DSP: variants seen among roughly 807,000 people sequenced by gnomAD.
The protein encoded by DSP is desmoplakin, also known as 250/210 kDa paraneoplastic pemphigus antigen.
A neutral mutation model predicts 290.6 loss-of-function variants in DSP; 114 were observed. That is an observed-to-expected ratio of 0.39 (90% CI 0.34 to 0.46). The LOEUF (loss-of-function observed/expected upper bound fraction) is 0.46, where lower values mean the gene tolerates loss of function less well. DSP is among the 20% of genes least tolerant of loss of function. The probability of loss-of-function intolerance (pLI) is 0.99; values close to 1 mark genes in which losing one functional copy is unlikely to be tolerated. For synonymous variants in DSP, 1,311 were observed against 1,316.4 expected (o/e 1.00, Z 0.09); for missense variants, 3,230 against 3,495.8 (o/e 0.92, Z 1.92).
intron 20 of DSP, 87 bp from the exon 21 acceptor site, chr6:7,577,692 A>T: frequency 9.1e-7 from 1 of 1,098,918 alleles, no homozygotes; most frequent in African/African-American, 1.5e-5. Flanking sequence ...CGTGCAGCCC[A>T]ATGATTTAAA....
chr6:7,566,632 C>G, intron 8 of DSP, 151 bp downstream of exon 8: 2 of 680,146 alleles, frequency 2.9e-6, no homozygotes, highest in Non-Finnish European at 5.0e-6. Flanking sequence ...GGTTGGCAAA[C>G]TCTTTTCAGG....
rs770080985 is a variant in DSP, at chr6:7,562,657, G to A, written c.603G>A (p.Glu201=). Residue 201 remains glutamate (E), a synonymous_variant, in exon 5 of 24, where the codon GAG becomes GAA. Coordinates refer to ENST00000379802, the MANE Select transcript of DSP (RefSeq NM_004415.4). ...TCTTTGTCTTTGTGTCGCAGGCGGA[G>A]ATGGACATGGTGGCCTGGGGTGTGG... ...CLGWMRQQRA[E]MDMVAWGVDL... is the part of the protein sequence containing the mutation. 7.4e-6 allele frequency: 12 copies of A among 1,614,064 alleles called. No individual in the cohort carries two copies. In the South Asian group the frequency reaches 1.3e-4, roughly 18 times the overall value.
In DSP at chr6:7,582,221, TAA is replaced by T. The variant is rs1759462249; in HGVS notation, c.5380-420_5380-419del. ...TAATTACATAATATATATTTATCTA[TAA>T]TATATATTTTATATAATATATATCT... is the stretch of plus-strand genomic sequence containing the variant. On this transcript the variant is annotated intron_variant, in intron 23 of 23. Coordinates refer to ENST00000379802, the MANE Select transcript of DSP (RefSeq NM_004415.4). This position sits in a 1 kb window ranked among gnomAD's most constrained non-coding sequence, Gnocchi z 4.2. Among the ~76,000 whole-genome samples, 1 of 134,466 alleles carries T rather than the reference TAA, an allele frequency of 7.4e-6. No individual in the cohort carries two copies. The highest frequency in any genetic ancestry group is 2.9e-5 in the African/African-American group (1 of 34,516). 88.2% of individuals were successfully genotyped at this position (134,466 alleles called of 152,430 possible). A position where few individuals can be genotyped will look rare whatever the true frequency, so the allele number is the denominator to read the frequency against.
chr6:7,583,718 G>A lies in DSP; in HGVS notation c.6456G>A (p.Gly2152=). 3 of 1,614,108 alleles carry A rather than the reference G, an allele frequency of 1.9e-6. No individual in the cohort carries two copies. Among genetic ancestry groups the A allele is most frequent in the South Asian group, 2.2e-5 (2 of 91,078 alleles). Residue 2152 remains glycine, a synonymous_variant, in exon 24 of 24, where the codon GGG becomes GGA. Transcript: ENST00000379802. This position sits in a 1 kb window ranked among gnomAD's most constrained non-coding sequence, Gnocchi z 4.0. ...FLPKDVALAR[G]LIDRDLYRSL... ...CAAAAGATGTCGCCTTGGCCCGGGG[G>A]CTGATTGATAGAGATTTGTATCGAT...
In DSP at chr6:7,565,369, T is replaced by C. The variant is rs1758827235; in HGVS notation, c.788T>C (p.Phe263Ser). The C allele has an allele frequency of 6.2e-7, 1 of 1,613,884 alleles. No individual in the cohort carries two copies. The highest frequency in any genetic ancestry group is 2.2e-5 in the East Asian group (1 of 44,888). Residue 263 changes from phenylalanine to serine, a missense_variant, in exon 7 of 24, where the codon TTT becomes TCT. By Grantham distance (155) the Phe-to-Ser change is radical (BLOSUM62 -2). This residue lies in a region of DSP where 646 missense variants were observed against 684.3 expected (regional missense o/e 0.94). Transcript: ENST00000379802. This position sits in a 1 kb window ranked among gnomAD's most constrained non-coding sequence, Gnocchi z 4.2. ...EEYENLLKAS[F>S]ERMDHLRQLQ... is the part of the protein sequence containing the mutation. ...GAACCTCCTGTGCAGAAAGCGTCCT[T>C]TGAGAGGATGGATCACCTGCGACAG...
chr6:7,544,966 T>C (rs1758130076), intron 1 of DSP, among the ~76,000 whole-genome samples: 1 of 152,226 alleles, frequency 6.6e-6, no homozygotes, highest in Non-Finnish European at 1.5e-5. Flanking sequence ...ATATTAATAC[T>C]GTTTTCAATT....
rs200443042 is a variant in DSP, at chr6:7,569,354, G to T, written c.1574+14G>T. 4.4e-4 allele frequency: 708 copies of T among 1,614,172 alleles called. 1 individual carries two copies. The highest frequency in any genetic ancestry group is 5.2e-4 in the Non-Finnish European group (609 of 1,180,028). Reference sequence around the variant, plus strand: ...CCTCTCTTGCAAGTAAGTCATCCAAGTTCCCAAAGCCACGCATGCACGCAT... The same window carrying T: ...CCTCTCTTGCAAGTAAGTCATCCAATTTCCCAAAGCCACGCATGCACGCAT... On this transcript the variant is annotated intron_variant, in intron 12 of 23. Transcript: ENST00000379802.
At chr6:7,575,768 T>C (rs1759222787) in intron 18 of DSP, among the ~76,000 whole-genome samples, 1 of 152,170 alleles carries the variant, frequency 6.6e-6, no homozygotes, top group Non-Finnish European at 1.5e-5. Context: ...CTATAAACTC[T>C]TGTTATGACT....
rs1759464595 is a variant in DSP, at chr6:7,582,328, T to C, written c.5380-314T>C. 1.3e-5 allele frequency among the ~76,000 whole-genome samples: 2 copies of C among 151,196 alleles called. No individual in the cohort carries two copies. The highest frequency in any genetic ancestry group is 1.3e-4 in the Admixed American group (2 of 15,196). On this transcript the variant is annotated intron_variant, in intron 23 of 23. Coordinates refer to ENST00000379802, the MANE Select transcript of DSP (RefSeq NM_004415.4). The surrounding 1 kb of genome is among the most constrained non-coding windows in gnomAD (Gnocchi z 4.2). ...TGTAGGTGTAGCAGGTATGATAACC[T>C]GAAACAAAACTCCCCACATTTTTTC... is the stretch of plus-strand genomic sequence containing the variant.
Position 7,559,373 on chromosome 6 carries a change from A to C in DSP, c.570A>C (p.Glu190Asp), listed in dbSNP as rs1483965966. The C allele has an allele frequency of 3.1e-6, 5 of 1,612,890 alleles. No individual in the cohort carries two copies. The East Asian group carries it at 1.1e-4, about 36-fold the overall frequency. ...AGTTCACCAAACATGTCACCAGTGA[A>C]TGTTTGGGGTGGATGAGGCAGCAAA... ...WDEFTKHVTS[E>D]CLGWMRQQRA... The change falls in exon 4 of 24, where the codon GAA (glutamate) becomes GAC (aspartate). Residue 190 changes from glutamate (E) to aspartate (D), a missense_variant. Glu to Asp is a conservative substitution (Grantham distance 45). Around this residue, in one of 5 missense-constraint regions of DSP, gnomAD observed 646 missense variants for 684.3 expected, o/e 0.94. Transcript: ENST00000379802.
chr6:7,548,548 A>T (rs1758238981), intron 1 of DSP, among the ~76,000 whole-genome samples: 1 of 152,216 alleles, frequency 6.6e-6, no homozygotes, highest in Admixed American at 6.5e-5. Context: ...GAAGTTAATG[A>T]TATGTGATCA....
At chr6:7,558,377 C>T (rs1758569224) in intron 3 of DSP, 113 bp downstream of exon 3, 2 of 1,458,976 alleles carry the variant, frequency 1.4e-6, no homozygotes, top group African/African-American at 1.4e-5. Flanking sequence ...CAAATGTTCC[C>T]AAGGAAAGGT....
chr6:7,562,494 T>G, intron 4 of DSP, 158 bp from the exon 5 acceptor site: 1 of 1,289,902 alleles, frequency 7.8e-7, no homozygotes, highest in Admixed American at 1.7e-5. Context: ...AACCCTGCAT[T>G]AGCCATTTGG....
At chr6:7,563,905 G>T in intron 6 of DSP, 119 bp downstream of exon 6, 2 of 919,834 alleles carry the variant, frequency 2.2e-6, no homozygotes, top group Non-Finnish European at 3.6e-6. Context: ...TAATGTTGTT[G>T]CTGCTGCTGA....
chr6:7,576,179 G>T, intron 18 of DSP, 115 bp from the exon 19 acceptor site: 1 of 1,191,928 alleles, frequency 8.4e-7, no homozygotes, highest in Non-Finnish European at 1.2e-6. Context: ...AAGTTTTTAT[G>T]TGGGAATATG....
Position 7,585,053 on chromosome 6 carries a change from C to T in DSP, c.7791C>T (p.Ser2597=). The change falls in exon 24 of 24, where the codon TCC becomes TCT. Residue 2597 remains serine (S), a synonymous_variant. Transcript: ENST00000379802. The stretch of plus-strand genomic sequence containing the variant: ...CAGTAAGTAAGATTTCCACCATATC[C>T]AGCGTCAGGAATTTAACCATAAGGA... ...HESVSKISTI[S]SVRNLTIRSS... is the part of the protein sequence containing the mutation. The T allele has an allele frequency of 1.2e-6, 2 of 1,614,182 alleles. No individual in the cohort carries two copies. Among genetic ancestry groups the T allele is most frequent in the South Asian group, 1.1e-5 (1 of 91,078 alleles).
At chr6:7,546,274 G>C (rs1344657987) in intron 1 of DSP, among the ~76,000 whole-genome samples, 1 of 152,220 alleles carries the variant, frequency 6.6e-6, no homozygotes, top group Non-Finnish European at 1.5e-5. Context: ...CAGAGCTCGA[G>C]TGACTCATAG....
Position 7,566,383 on chromosome 6 carries a change from A to G in DSP, c.946A>G (p.Met316Val), listed in dbSNP as rs201672777. 41 of 1,613,118 alleles carry G rather than the reference A, an allele frequency of 2.5e-5. No homozygotes were observed. Among genetic ancestry groups the G allele is most frequent in the Admixed American group, 5.0e-5 (3 of 60,010 alleles). ...CTTATTTCTTCATTCACAGATACGCATGAGTCAACTGGAAGTTAAAGAAAA... is the reference window on the plus strand; with the variant it reads ...CTTATTTCTTCATTCACAGATACGCGTGAGTCAACTGGAAGTTAAAGAAAA... ...AQKQEAFSIR[M>V]SQLEVKEKEL... is the part of the protein sequence containing the mutation. Residue 316 changes from methionine (M) to valine (V), a missense_variant, in exon 8 of 24, where the codon ATG becomes GTG. Around this residue, in one of 5 missense-constraint regions of DSP, gnomAD observed 646 missense variants for 684.3 expected, o/e 0.94. Coordinates refer to ENST00000379802, the MANE Select transcript of DSP (RefSeq NM_004415.4).
Position 7,580,463 on chromosome 6 carries a change from A to G in DSP, c.4273A>G (p.Arg1425Gly), listed in dbSNP as rs1195248700. Residue 1425 changes from arginine to glycine, a missense_variant, in exon 23 of 24, where the codon AGG (arginine) becomes GGG (glycine). Around this residue, in one of 5 missense-constraint regions of DSP, gnomAD observed 1,714 missense variants for 1,844.5 expected, o/e 0.93. Transcript: ENST00000379802. The surrounding 1 kb of genome is among the most constrained non-coding windows in gnomAD (Gnocchi z 4.2). ...AACCCAGACCACAGAGAATCTCAGG[A>G]GGGTGGAAGAAGACATCCAACAGCA... ...TLTQTTENLRRVEEDIQQQKA... is the reference protein window; with the variant it reads ...TLTQTTENLRGVEEDIQQQKA... 6.2e-7 allele frequency: 1 copy of G among 1,614,070 alleles called. No individual in the cohort carries two copies.
Sources: gnomAD v4.1 joint callset for allele counts (sites outside exome capture counted in the v4.1 genomes callset) on GRCh38, gnomAD v4.1.1 for gene constraint, gnomAD v4.1.1 regional missense constraint, Gnocchi (gnomAD v3.1) non-coding constraint, MANE v1.5 for transcripts, NCBI Gene and HGNC (gene_info 2026-07-23, HGNC 2026-07-21) for gene names.